The following BRCA1 variants were observed in gnomAD, a reference collection of about 807,000 sequenced individuals.
BRCA1 encodes breast cancer type 1 susceptibility protein.
BRCA1 carries 140 observed loss-of-function variants against 173.7 expected under a neutral mutation model. That is an observed-to-expected ratio of 0.81 (90% CI 0.70 to 0.93). The LOEUF is 0.93. Among genes scored for constraint, BRCA1 ranks in the 40% least tolerant of loss-of-function variants. The pLI is 0.00. For missense variants in BRCA1, 1,983 were observed against 2,172.5 expected (o/e 0.91, Z 1.73); for synonymous variants, 662 against 756.0 (o/e 0.88, Z 2.04).
chr17:43,122,773 G>A (rs1184687326), intron 2 of BRCA1, among the ~76,000 whole-genome samples: 4 of 151,992 alleles, frequency 2.6e-5, no homozygotes, highest in Admixed American at 1.3e-4. Flanking sequence ...ATGGCTGGAC[G>A]CAGTGGCTTA....
intron 1 of BRCA1, among the ~76,000 whole-genome samples, chr17:43,168,803 A>G (rs760305560): frequency 7.9e-5 from 12 of 152,296 alleles, no homozygotes; most frequent in Non-Finnish European, 1.2e-4. Flanking sequence ...CCTTTCTCCA[A>G]GAAAGAGAAA....
At chr17:43,058,257 C>G (rs117845388) in intron 18 of BRCA1, among the ~76,000 whole-genome samples, 85 of 151,834 alleles carry the variant, frequency 5.6e-4, no homozygotes, top group Non-Finnish European at 9.7e-4. Context: ...GCCTGCAGTC[C>G]CAATTTCTTG....
rs80358000 is a variant in BRCA1, at chr17:43,074,539, A to T, written c.4485-18T>A. 6.2e-7 allele frequency: 1 copy of T among 1,607,422 alleles called. No homozygotes were observed. Among genetic ancestry groups the T allele is most frequent in the Admixed American group, 1.7e-5 (1 of 59,994 alleles). ...GGGATGACCTAGAAAGATAAATGGA[A>T]GGAGAAAACCATCGCCACCAATTGT... is the stretch of plus-strand genomic sequence containing the variant. On this transcript the variant is annotated intron_variant, in intron 13 of 22. Coordinates refer to ENST00000357654, the MANE Select transcript of BRCA1 (RefSeq NM_007294.4).
At chr17:43,134,311 A>C (rs771885142) in intron 1 of BRCA1, among the ~76,000 whole-genome samples, 4 of 152,214 alleles carry the variant, frequency 2.6e-5, no homozygotes, top group Non-Finnish European at 4.4e-5. Flanking sequence ...CAAGCTGAGA[A>C]GAGGTAGACA....
chr17:43,157,427 C>T (rs1597944979), intron 1 of BRCA1, among the ~76,000 whole-genome samples: 1 of 152,202 alleles, frequency 6.6e-6, no homozygotes, highest in Admixed American at 6.5e-5. Flanking sequence ...AGGCCTGGCG[C>T]GGAGGCTCAC....
At chr17:43,104,836 T>C (rs1567810963) in intron 5 of BRCA1, 32 bp downstream of exon 5, 11 of 1,578,108 alleles carry the variant, frequency 7.0e-6, no homozygotes, top group Non-Finnish European at 9.6e-6. Context: ...GGACAGCACT[T>C]GAGTGTCATT....
intron 12 of BRCA1, among the ~76,000 whole-genome samples, chr17:43,078,429 C>T (rs1291917508): frequency 6.6e-6 from 1 of 152,222 alleles, no homozygotes; most frequent in African/African-American, 2.4e-5. Context: ...GCCTTGGCAT[C>T]TCACAGTGCT....
At chr17:43,062,812 A>C (rs2051823972) in intron 18 of BRCA1, among the ~76,000 whole-genome samples, 2 of 151,664 alleles carry the variant, frequency 1.3e-5, no homozygotes, top group African/African-American at 4.8e-5. Context: ...GCCCAGGCTG[A>C]TCTCGAACTC....
intron 6 of BRCA1, among the ~76,000 whole-genome samples, chr17:43,100,634 AT>A (rs2054384727): frequency 6.3e-5 from 5 of 79,724 alleles, no homozygotes; most frequent in Non-Finnish European, 9.2e-5. Context: ...TATATATGTT[AT>A]ATATATATAA....
intron 1 of BRCA1, among the ~76,000 whole-genome samples, chr17:43,150,270 T>C (rs1192365227): frequency 6.6e-6 from 1 of 152,020 alleles, no homozygotes; most frequent in Non-Finnish European, 1.5e-5. Flanking sequence ...CTACTACACC[T>C]GGCTAAATGT....
At position 43,111,683 on chromosome 17, in the gene BRCA1, G is replaced by A. The variant is rs531495665; in HGVS notation, c.134+4043C>T. On this transcript the variant is annotated intron_variant, in intron 3 of 22. Coordinates refer to ENST00000357654, the MANE Select transcript of BRCA1 (RefSeq NM_007294.4). ...AAAAATACAAAAAAATTAGCTGGGC[G>A]TGGTGGCAGGCGTCTGTAGTCCCAG... Among the ~76,000 whole-genome samples, 7 of 152,096 alleles carry A rather than the reference G, an allele frequency of 4.6e-5. No individual in the cohort carries two copies. In the South Asian group the frequency reaches 1.0e-3, roughly 23 times the overall value.
intron 1 of BRCA1, among the ~76,000 whole-genome samples, chr17:43,159,246 A>T (rs1475497471): frequency 3.3e-5 from 5 of 152,200 alleles, no homozygotes; most frequent in Non-Finnish European, 5.9e-5. Context: ...GATCCTGTAT[A>T]AAAAAACCTC....
intron 6 of BRCA1, 61 bp from the exon 7 acceptor site, chr17:43,099,941 G>GA (rs2054311963): frequency 1.5e-6 from 2 of 1,303,180 alleles, no homozygotes; most frequent in African/African-American, 2.9e-5. Context: ...TTTTCCTCCT[G>GA]AAGAGAAACT....
intron 1 of BRCA1, among the ~76,000 whole-genome samples, chr17:43,144,465 G>A (rs1377548324): frequency 6.6e-6 from 1 of 152,022 alleles, no homozygotes; most frequent in African/African-American, 2.4e-5. Context: ...CAAGAACAAC[G>A]ATATTTAATT....
At chr17:43,046,767 A>G (rs1329484397) in intron 22 of BRCA1, among the ~76,000 whole-genome samples, 1 of 151,630 alleles carries the variant, frequency 6.6e-6, no homozygotes, top group East Asian at 2.0e-4. Context: ...CAAAAAAAAA[A>G]AAAAAAGGCA....
intron 7 of BRCA1, among the ~76,000 whole-genome samples, chr17:43,098,346 A>G (rs1438668925): frequency 2.0e-5 from 3 of 151,734 alleles, no homozygotes; most frequent in Non-Finnish European, 4.4e-5. Flanking sequence ...GCTTAAAAAA[A>G]TTTATTATTT....
intron 1 of BRCA1, among the ~76,000 whole-genome samples, chr17:43,165,217 G>A (rs2056259303): frequency 6.6e-6 from 1 of 152,106 alleles, no homozygotes; most frequent in Admixed American, 6.5e-5. Flanking sequence ...TTGCAAAAGA[G>A]CAGGTTGGTG....
chr17:43,118,942 T>A (rs796691137), intron 2 of BRCA1, among the ~76,000 whole-genome samples: 18 of 152,172 alleles, frequency 1.2e-4, no homozygotes, highest in African/African-American at 4.3e-4. Context: ...TTTTTTGTAT[T>A]TTTGGTAGGG....
intron 1 of BRCA1, among the ~76,000 whole-genome samples, chr17:43,151,444 G>A (rs2056160966): frequency 6.6e-6 from 1 of 152,030 alleles, no homozygotes; most frequent in African/African-American, 2.4e-5. Flanking sequence ...GCCACATGTG[G>A]TGGCGCATGC....
Sources: allele counts gnomAD v4.1 joint callset (sites outside exome capture counted in the v4.1 genomes callset), GRCh38; gene constraint gnomAD v4.1.1; transcripts MANE v1.5; gene names NCBI Gene and HGNC (gene_info 2026-07-23, HGNC 2026-07-21).